ALDH1L2: variants seen among roughly 807,000 people sequenced by gnomAD.
ALDH1L2 encodes mitochondrial 10-formyltetrahydrofolate dehydrogenase.
ALDH1L2 carries 91 observed loss-of-function variants against 111.0 expected under a neutral mutation model. That is an observed-to-expected ratio of 0.82 (90% CI 0.69 to 0.98). The LOEUF is 0.98. ALDH1L2 is among the 50% of genes least tolerant of loss of function. The probability of loss-of-function intolerance (pLI) is 0.00; values close to 1 mark genes in which losing one functional copy is unlikely to be tolerated. For missense variants in ALDH1L2, 995 were observed against 1,126.8 expected, an observed-to-expected ratio of 0.88 and a Z score of 1.67; for synonymous variants, 374 against 392.6, an observed-to-expected ratio of 0.95 and a Z score of 0.56.
At chr12:105,082,750 T>G (rs890380160) in intron 1 of ALDH1L2, among the ~76,000 whole-genome samples, 1 of 152,238 alleles carries the variant, frequency 6.6e-6, no homozygotes, top group Admixed American at 6.5e-5. Flanking sequence ...TATGATAGGT[T>G]TATGTTTAAC....
intron 12 of ALDH1L2, 143 bp downstream of exon 12, chr12:105,051,947 C>T: frequency 1.4e-6 from 1 of 709,518 alleles, no homozygotes; most frequent in African/African-American, 1.9e-5. Context: ...ACCACTCACG[C>T]CTGTAATCCC....
chr12:105,046,221 ATTTTTTTTTTTTTTT>A (rs869078154), intron 15 of ALDH1L2, among the ~76,000 whole-genome samples: 4 of 21,786 alleles, frequency 1.8e-4, no homozygotes, highest in South Asian at 2.3e-3. Flanking sequence ...ATATATATAT[ATTTTTTTTTTTTTTT>A]TTTTTTTTTT....
chr12:105,059,614 C>T (rs1175435895), intron 9 of ALDH1L2, among the ~76,000 whole-genome samples: 2 of 152,142 alleles, frequency 1.3e-5, no homozygotes, highest in African/African-American at 4.8e-5. Flanking sequence ...CTTTTGAAAA[C>T]ACTATGTGCT....
chr12:105,046,675 G>T, intron 15 of ALDH1L2, 35 bp downstream of exon 15: 1 of 1,568,270 alleles, frequency 6.4e-7, no homozygotes, highest in Non-Finnish European at 8.8e-7. Flanking sequence ...TATAAGAGAG[G>T]AGGCAATTCT....
chr12:105,049,927 C>A lies in ALDH1L2; in HGVS notation c.1667G>T (p.Gly556Val). 1 of 1,610,882 alleles carries A rather than the reference C, an allele frequency of 6.2e-7. No homozygotes were observed. The highest frequency in any genetic ancestry group is 8.5e-7 in the Non-Finnish European group (1 of 1,178,454). Residue 556 changes from glycine to valine, a missense_variant, in exon 13 of 23, where the codon GGC becomes GTC. Physicochemically the swap from Gly to Val is moderately radical, Grantham distance 109. Transcript: ENST00000258494. ...MSVQTFRYFAGWCDKIQGSTI... is the reference protein window; with the variant it reads ...MSVQTFRYFAVWCDKIQGSTI... ...GCTTACCTGAATTTTGTCGCACCAG[C>A]CAGCAAAATATCTGAATGTTTGCAC... is the stretch of plus-strand genomic sequence containing the variant.
rs770654376 is a variant in ALDH1L2 at position 105,049,919 on chromosome 12, C to T, written c.1675G>A (p.Asp559Asn). The T allele has an allele frequency of 3.7e-5, 60 of 1,609,772 alleles. No homozygotes were observed. The highest frequency in any genetic ancestry group is 1.2e-4 in the South Asian group (11 of 90,096). The change falls in exon 13 of 23, where the codon GAC (aspartate) becomes AAC (asparagine). Residue 559 changes from aspartate to asparagine, a missense_variant. Physicochemically the swap from Asp to Asn is conservative, Grantham distance 23. Transcript: ENST00000258494. The part of the protein sequence containing the change: ...QTFRYFAGWC[D>N]KIQGSTIPIN... ...ATATTTGTGCTTACCTGAATTTTGT[C>T]GCACCAGCCAGCAAAATATCTGAAT...
At chr12:105,072,410 A>G (rs1265074728) in intron 2 of ALDH1L2, 1 of 152,060 alleles carries the variant, frequency 6.6e-6, no homozygotes, top group Non-Finnish European at 1.5e-5. Context: ...CATGAAACCT[A>G]AATTCTGAAG....
intron 21 of ALDH1L2, among the ~76,000 whole-genome samples, chr12:105,029,024 A>ATTTTTT (rs770703019): frequency 1.4e-5 from 2 of 138,230 alleles, no homozygotes; most frequent in Non-Finnish European, 1.5e-5. Flanking sequence ...ATCTGCTTAA[A>ATTTTTT]TTTTTTTTTT....
intron 1 of ALDH1L2, among the ~76,000 whole-genome samples, chr12:105,077,058 G>C (rs1878086911): frequency 6.6e-6 from 1 of 152,228 alleles, no homozygotes; most frequent in Admixed American, 6.5e-5. Context: ...TTTAGAAAAA[G>C]AAAAACATAG....
intron 6 of ALDH1L2, among the ~76,000 whole-genome samples, 180 bp from the exon 7 acceptor site, chr12:105,063,202 C>T (rs1475678407): frequency 2.6e-5 from 4 of 152,298 alleles, no homozygotes; most frequent in East Asian, 3.9e-4. Flanking sequence ...GGTGGCCGGG[C>T]ACAGTGGCTC....
At chr12:105,040,027 G>A (rs1264072442) in intron 16 of ALDH1L2, among the ~76,000 whole-genome samples, 1 of 150,736 alleles carries the variant, frequency 6.6e-6, no homozygotes, top group Non-Finnish European at 1.5e-5. Flanking sequence ...TACTCAGGAG[G>A]CTGAGAGAGA....
Position 105,065,307 on chromosome 12 carries a change from T to G in ALDH1L2, c.746A>C (p.His249Pro), listed in dbSNP as rs909578174. The G allele has an allele frequency of 2.5e-6, 4 of 1,610,590 alleles. No homozygotes were observed. Among genetic ancestry groups the G allele is most frequent in the Admixed American group, 1.7e-5 (1 of 59,928 alleles). Reference protein sequence around the residue: ...AEVLHNWIRGHDKVPGAWTEI... With the variant: ...AEVLHNWIRGPDKVPGAWTEI... ...TGTCCAAGCTCCAGGGACTTTATCA[T>G]GACCTCGAATCCAGTTATGTAAAAC... The change falls in exon 6 of 23, where the codon CAT (histidine) becomes CCT (proline). Residue 249 changes from histidine to proline, a missense_variant. Physicochemically the swap from His to Pro is moderately conservative, Grantham distance 77. Coordinates refer to ENST00000258494, the MANE Select transcript of ALDH1L2 (RefSeq NM_001034173.4).
chr12:105,036,521 TATA>T (rs1875137074), intron 18 of ALDH1L2, among the ~76,000 whole-genome samples: 2 of 12,748 alleles, frequency 1.6e-4, no homozygotes, highest in African/African-American at 2.1e-3. Context: ...ATTTTATATA[TATA>T]TATATATATA....
chr12:105,084,416 C>T lies in ALDH1L2; in HGVS notation c.21G>A (p.Gln7=). MLRRGS[Q]ALRRFSTGRV... is the part of the protein sequence containing the mutation. Reference sequence around the variant, plus strand: ...GGCCAGTGGAGAAGCGCCGGAGCGCCTGGCTGCCCCGCCGCAGCATGCTGG... The same window carrying T: ...GGCCAGTGGAGAAGCGCCGGAGCGCTTGGCTGCCCCGCCGCAGCATGCTGG... Residue 7 remains glutamine, a synonymous_variant, in exon 1 of 23, where the codon CAG becomes CAA. Coordinates refer to ENST00000258494, the MANE Select transcript of ALDH1L2 (RefSeq NM_001034173.4). The T allele has an allele frequency of 6.7e-7, 1 of 1,494,872 alleles. No homozygotes were observed. The highest frequency in any genetic ancestry group is 2.2e-5 in the Admixed American group (1 of 45,094). 92.6% of individuals were successfully genotyped at this position (1,494,872 alleles called of 1,614,324 possible). A position where few individuals can be genotyped will look rare whatever the true frequency, so the allele number is the denominator to read the frequency against.
chr12:105,046,649 T>C, intron 15 of ALDH1L2, 61 bp downstream of exon 15: 1 of 1,430,986 alleles, frequency 7.0e-7, no homozygotes, highest in South Asian at 1.2e-5. Context: ...ATATTTCACT[T>C]TTTTGAAGTA....
At chr12:105,030,874 T>A (rs1874660598) in intron 20 of ALDH1L2, among the ~76,000 whole-genome samples, 1 of 152,236 alleles carries the variant, frequency 6.6e-6, no homozygotes, top group African/African-American at 2.4e-5. Context: ...CCTTAATGTC[T>A]AGAAATTAGC....
intron 17 of ALDH1L2, 89 bp from the exon 18 acceptor site, chr12:105,038,291 C>T (rs201189631): frequency 2.5e-6 from 1 of 401,718 alleles, no homozygotes. Context: ...CACACACACA[C>T]ACACACACAC....
chr12:105,049,939 C>A lies in ALDH1L2; in HGVS notation c.1655G>T (p.Arg552Ile). Residue 552 changes from arginine to isoleucine, a missense_variant, in exon 13 of 23, where the codon AGA becomes ATA. Coordinates refer to ENST00000258494, the MANE Select transcript of ALDH1L2 (RefSeq NM_001034173.4). ...TTTGTCGCACCAGCCAGCAAAATAT[C>A]TGAATGTTTGCACAGACATTCCAAT... The part of the protein sequence containing the change: ...THIGMSVQTF[R>I]YFAGWCDKIQ... 1 of 1,611,564 alleles carries A rather than the reference C, an allele frequency of 6.2e-7. No individual in the cohort carries two copies.
intron 5 of ALDH1L2, among the ~76,000 whole-genome samples, chr12:105,065,596 G>A (rs1406654060): frequency 6.6e-6 from 1 of 152,236 alleles, no homozygotes; most frequent in East Asian, 1.9e-4. Flanking sequence ...TTGTAAAGAT[G>A]AAGTAGAGCG....
Sources: gnomAD v4.1 joint callset for allele counts (sites outside exome capture counted in the v4.1 genomes callset) on GRCh38, gnomAD v4.1.1 for gene constraint, MANE v1.5 for transcripts, NCBI Gene and HGNC (gene_info 2026-07-23, HGNC 2026-07-21) for gene names.